Variants in PCNT observed in about 807,000 individuals in gnomAD.
The protein encoded by PCNT is pericentrin, also known as kendrin.
In PCNT, 319 loss-of-function variants were observed where a neutral mutation model predicts 380.4. That is an observed-to-expected ratio of 0.84 (90% CI 0.77 to 0.92). The LOEUF (loss-of-function observed/expected upper bound fraction) is 0.92, where lower values mean the gene tolerates loss of function less well. PCNT is among the 40% of genes least tolerant of loss of function. The pLI, the probability that PCNT is intolerant of heterozygous loss-of-function variation, is 0.00. For missense variants in PCNT, 4,400 were observed against 4,255.3 expected (o/e 1.03, Z -0.95); for synonymous variants, 1,845 against 1,735.2 (o/e 1.06, Z -1.57).
intron 13 of PCNT, among the ~76,000 whole-genome samples, chr21:46,362,974 G>A (rs947568226): frequency 5.3e-5 from 8 of 152,228 alleles, no homozygotes; most frequent in Admixed American, 1.3e-4. Flanking sequence ...CCTTGCTCAA[G>A]GTCTTTCATT....
rs372531708 is a variant in PCNT, at chr21:46,428,493, G to A, written c.7593G>A (p.Thr2531=). ...IQALRAQLRM[T]HLQNQEKLQH... ...CGCTGCGTGCCCAGCTGCGCATGAC[G>A]CACCTGCAGAACCAGGAGAAGCTGC... Residue 2531 remains threonine (T), a synonymous_variant, in exon 35 of 47, where the codon ACG becomes ACA. Transcript: ENST00000359568. 2.3e-5 allele frequency: 37 copies of A among 1,612,024 alleles called. No homozygotes were observed. In the East Asian group the frequency reaches 4.5e-4, roughly 19 times the overall value.
intron 2 of PCNT, among the ~76,000 whole-genome samples, chr21:46,333,079 C>T (rs181556823): frequency 2.0e-4 from 30 of 152,234 alleles, no homozygotes; most frequent in South Asian, 1.5e-3. Context: ...CACCACTGCA[C>T]GCCAGCCTGG....
chr21:46,334,879 A>T, intron 3 of PCNT, 111 bp downstream of exon 3: 1 of 1,532,056 alleles, frequency 6.5e-7, no homozygotes, highest in Non-Finnish European at 8.9e-7. Flanking sequence ...CTCTCTTTAG[A>T]AGTGGAAACT....
Position 46,363,844 on chromosome 21 carries a change from G to T in PCNT, c.2519G>T (p.Gly840Val), listed in dbSNP as rs746370247. 1 of 1,612,082 alleles carries T rather than the reference G, an allele frequency of 6.2e-7. No individual in the cohort carries two copies. The highest frequency in any genetic ancestry group is 1.1e-5 in the South Asian group (1 of 91,018). The change falls in exon 14 of 47, where the codon GGG becomes GTG. Residue 840 changes from glycine (G) to valine (V), a missense_variant. Physicochemically the swap from Gly to Val is moderately radical, Grantham distance 109. Coordinates refer to ENST00000359568, the MANE Select transcript of PCNT (RefSeq NM_006031.6). ...GACGCCCTGCATTGCAGCCAGTGTG[G>T]GCGGGAGCCGCCCACAGCCCAGGAC... ...SDDALHCSQC[G>V]REPPTAQDGE...
At chr21:46,442,368 C>A in intron 43 of PCNT, 129 bp from the exon 44 acceptor site, 1 of 708,576 alleles carries the variant, frequency 1.4e-6, no homozygotes, top group Non-Finnish European at 2.6e-6. Context: ...ACTGGCCGAC[C>A]TTGGCGTCCT....
chr21:46,371,014 G>A (rs2085105895), intron 15 of PCNT, among the ~76,000 whole-genome samples: 4 of 152,002 alleles, frequency 2.6e-5, no homozygotes, highest in Admixed American at 2.0e-4. Flanking sequence ...CAGCCTGGGC[G>A]ACAGAGCGAG....
At chr21:46,380,168 T>G (rs932006535) in intron 15 of PCNT, among the ~76,000 whole-genome samples, 1 of 111,538 alleles carries the variant, frequency 9.0e-6, no homozygotes, top group African/African-American at 3.4e-5. Context: ...TTTTTTTTTT[T>G]TTTTTTTTTT....
At chr21:46,418,401 C>T (rs920952495) in intron 31 of PCNT, 95 bp downstream of exon 31, 16 of 807,304 alleles carry the variant, frequency 2.0e-5, no homozygotes, top group Middle Eastern at 2.2e-4. Context: ...CCTGGTTCTG[C>T]GTCTGCCCCC....
rs2084609442 is a variant in PCNT at position 46,359,480 on chromosome 21, G to GTTGTTTTTTTTTTT, written c.2154+2291_2154+2292insGTTTTTTTTTTTTT. On this transcript the variant is annotated intron_variant, in intron 13 of 46. Coordinates refer to ENST00000359568, the MANE Select transcript of PCNT (RefSeq NM_006031.6). The stretch of plus-strand genomic sequence containing the variant: ...TAGTATTCTGTCCAAAAATACACCT[G>GTTGTTTTTTTTTTT]TTTTTTTTTTGTTTTTTTTTTTTTT... 2.6e-4 allele frequency among the ~76,000 whole-genome samples: 17 copies of GTTGTTTTTTTTTTT among 65,732 alleles called. 5 individuals carry two copies. The highest frequency in any genetic ancestry group is 4.8e-4 in the South Asian group (1 of 2,092). The allele number at this position is 65,732 out of a possible 152,430, so 43.1% of individuals were successfully genotyped here.
chr21:46,324,411 T>G, intron 1 of PCNT, 129 bp downstream of exon 1: 2 of 810,950 alleles, frequency 2.5e-6, no homozygotes, highest in Non-Finnish European at 4.2e-6. Flanking sequence ...TCTCGCTTTT[T>G]CCCGCCGGCT....
At chr21:46,324,647 C>T (rs1477786501) in intron 1 of PCNT, among the ~76,000 whole-genome samples, 3 of 151,318 alleles carry the variant, frequency 2.0e-5, no homozygotes, top group South Asian at 2.1e-4. Flanking sequence ...CGTGGCGTGG[C>T]TGCACGGAGG....
In PCNT at chr21:46,347,010, C is replaced by A; in HGVS notation, c.976+12C>A. 1.9e-6 allele frequency: 3 copies of A among 1,591,030 alleles called. No homozygotes were observed. In the South Asian group the frequency reaches 3.4e-5, roughly 18 times the overall value. ...TGGACAGGAAGCAGGTACTGCATGG[C>A]TAGGCGGGCACGGGCAGCGTGTGGG... On this transcript the variant is annotated intron_variant, in intron 5 of 46. Transcript: ENST00000359568.
In PCNT at chr21:46,383,702, G is replaced by T. The variant is rs548641848; in HGVS notation, c.3312+1862G>T. ...GTGTTGTGTATTCAGTGGCGGAAGC[G>T]CATTCACAGTGTTGTATATTCAGTG... On this transcript the variant is annotated intron_variant, in intron 16 of 46. Coordinates refer to ENST00000359568, the MANE Select transcript of PCNT (RefSeq NM_006031.6). Among the ~76,000 whole-genome samples the T allele has an allele frequency of 2.8e-3, 406 of 144,600 alleles. 35 individuals are homozygous for T. The highest frequency in any genetic ancestry group is 3.9e-3 in the Non-Finnish European group (258 of 66,126). 94.9% of individuals were successfully genotyped at this position (144,600 alleles called of 152,430 possible). A position where few individuals can be genotyped will look rare whatever the true frequency, so the allele number is the denominator to read the frequency against.
chr21:46,430,708 G>A (rs2087719203), intron 37 of PCNT, 51 bp downstream of exon 37: 3 of 1,551,510 alleles, frequency 1.9e-6, no homozygotes, highest in African/African-American at 1.4e-5. Flanking sequence ...TGCACTGGAA[G>A]CCTGAAGCCA....
At chr21:46,402,296 C>T in intron 26 of PCNT, 35 bp from the exon 27 acceptor site, 4 of 1,426,860 alleles carry the variant, frequency 2.8e-6, no homozygotes, top group South Asian at 1.2e-5. Context: ...TATTAGATGA[C>T]TTTTAATACT....
chr21:46,412,107 T>TA, intron 28 of PCNT, 40 bp downstream of exon 28: 3 of 1,590,488 alleles, frequency 1.9e-6, no homozygotes, highest in Non-Finnish European at 2.6e-6. Flanking sequence ...TATTTTTTTT[T>TA]ACTCTCCTTT....
At chr21:46,417,787 C>T (rs573779080) in intron 30 of PCNT, among the ~76,000 whole-genome samples, 19 of 152,260 alleles carry the variant, frequency 1.2e-4, no homozygotes, top group Admixed American at 4.6e-4. Context: ...CCCATGGTCC[C>T]TGCTCTTCAG....
At chr21:46,343,795 T>C (rs866305811) in intron 3 of PCNT, among the ~76,000 whole-genome samples, 2 of 152,248 alleles carry the variant, frequency 1.3e-5, no homozygotes, top group South Asian at 4.1e-4. Flanking sequence ...TCAGTCTTGC[T>C]GCTTGTTACT....
intron 15 of PCNT, among the ~76,000 whole-genome samples, chr21:46,378,969 C>G (rs981565036): frequency 6.6e-6 from 1 of 152,154 alleles, no homozygotes; most frequent in South Asian, 2.1e-4. Flanking sequence ...CTCCTGTTTT[C>G]TCTGTGTCGT....
Sources: gnomAD v4.1 joint callset for allele counts (sites outside exome capture counted in the v4.1 genomes callset) on GRCh38, gnomAD v4.1.1 for gene constraint, MANE v1.5 for transcripts, NCBI Gene and HGNC (gene_info 2026-07-23, HGNC 2026-07-21) for gene names.